The following SEPTIN12 variants were observed in gnomAD, a reference collection of about 807,000 sequenced individuals.
SEPTIN12 encodes septin 12, also known as septin-12.
Under a neutral mutation model 37.7 loss-of-function variants are expected in SEPTIN12, and 42 were observed. The observed-to-expected ratio is 1.11, with a 90% CI of 0.87 to 1.44. SEPTIN12 has a LOEUF of 1.44. SEPTIN12 is among the 40% of genes most tolerant of loss of function. SEPTIN12 has a pLI of 0.00. For synonymous variants in SEPTIN12, 254 were observed against 196.7 expected, an observed-to-expected ratio of 1.29 and a Z score of -2.44; for missense variants, 613 against 479.2, an observed-to-expected ratio of 1.28 and a Z score of -2.61.
rs1249893216 is a variant in SEPTIN12 at position 4,785,799 on chromosome 16, G to A, written c.374+8C>T. 6 of 1,568,574 alleles carry A rather than the reference G, an allele frequency of 3.8e-6. No individual in the cohort carries two copies. Among genetic ancestry groups the A allele is most frequent in the East Asian group, 2.2e-5 (1 of 44,654 alleles). Reference sequence around the variant, plus strand: ...GCCTAAAAAAAAAAAAAAAGAGAGAGAACCTACCAGTTGTCATTGTTGATC... The same window carrying A: ...GCCTAAAAAAAAAAAAAAAGAGAGAAAACCTACCAGTTGTCATTGTTGATC... On this transcript the variant is annotated splice_region_variant and intron_variant, in intron 4 of 9. Coordinates refer to ENST00000268231, the MANE Select transcript of SEPTIN12 (RefSeq NM_144605.5).
intron 2 of SEPTIN12, 149 bp downstream of exon 2, chr16:4,787,331 A>AT (rs2082470905): frequency 3.9e-6 from 3 of 762,714 alleles, no homozygotes; most frequent in South Asian, 1.5e-5. Context: ...CATTTCTCAA[A>AT]TTTTCAATGA....
At chr16:4,786,334 C>G (rs548081327) in intron 2 of SEPTIN12, among the ~76,000 whole-genome samples, 1 of 151,146 alleles carries the variant, frequency 6.6e-6, no homozygotes, top group Non-Finnish European at 1.5e-5. Context: ...GCCACCATAC[C>G]CAGCTGATTT....
rs962969618 is a variant in SEPTIN12 at position 4,779,602 on chromosome 16, G to A, written c.823+88C>T. Reference sequence around the variant, plus strand: ...TGTCTAGTGGGCTTCACCTTTCTGTGCCCTGTGATGGGTGCGAAGGTTGCC... The same window carrying A: ...TGTCTAGTGGGCTTCACCTTTCTGTACCCTGTGATGGGTGCGAAGGTTGCC... On this transcript the variant is annotated intron_variant, in intron 8 of 9. Coordinates refer to ENST00000268231, the MANE Select transcript of SEPTIN12 (RefSeq NM_144605.5). 4 of 814,336 alleles carry A rather than the reference G, an allele frequency of 4.9e-6. No individual in the cohort carries two copies. In the East Asian group the frequency reaches 7.3e-5, roughly 15 times the overall value. The allele number at this position is 814,336 out of a possible 1,614,324, so 50.4% of individuals were successfully genotyped here. A position where few individuals can be genotyped will look rare whatever the true frequency, so the allele number is the denominator to read the frequency against.
chr16:4,791,554 G>A (rs562867370), upstream of SEPTIN12, among the ~76,000 whole-genome samples: 16 of 152,264 alleles, frequency 1.1e-4, no homozygotes, highest in Admixed American at 3.3e-4. Context: ...CGTTACTCAA[G>A]CTCACACATT....
At chr16:4,789,612 C>T (rs575613472), upstream of SEPTIN12, among the ~76,000 whole-genome samples, 14 of 152,182 alleles carry the variant, frequency 9.2e-5, no homozygotes, top group Non-Finnish European at 1.9e-4. Flanking sequence ...AGGCGTTAGC[C>T]CCTGCGCCCA....
chr16:4,779,983 G>A (rs941755805), intron 7 of SEPTIN12, among the ~76,000 whole-genome samples, 197 bp from the exon 8 acceptor site: 7 of 152,024 alleles, frequency 4.6e-5, no homozygotes, highest in African/African-American at 1.7e-4. Context: ...GCTCTTGCCT[G>A]TAATTTCAGC....
chr16:4,778,049 C>A lies in SEPTIN12; in HGVS notation c.875+37G>T, dbSNP rs368419345. 4 of 1,613,142 alleles carry A rather than the reference C, an allele frequency of 2.5e-6. No individual in the cohort carries two copies. The African/African-American group carries it at 5.3e-5, about 22-fold the overall frequency. ...CGATGGTGGTGTCCCCAGGGCCCCTCGCCAGCCCCCTAGCCCCAGGCTCCC... is the reference window on the plus strand; with the variant it reads ...CGATGGTGGTGTCCCCAGGGCCCCTAGCCAGCCCCCTAGCCCCAGGCTCCC... On this transcript the variant is annotated intron_variant, in intron 9 of 9. Transcript: ENST00000268231.
Position 4,787,605 on chromosome 16 carries a change from G to C in SEPTIN12, c.41C>G (p.Ser14Trp). 1 of 1,604,230 alleles carries C rather than the reference G, an allele frequency of 6.2e-7. No homozygotes were observed. The highest frequency in any genetic ancestry group is 2.2e-5 in the East Asian group (1 of 44,868). Residue 14 changes from serine (S) to tryptophan (W), a missense_variant, in exon 2 of 10, where the codon TCG becomes TGG. By Grantham distance (177) the Ser-to-Trp change is radical. Transcript: ENST00000268231. ...TGGGGTGCTGGGGCTGGAGGGCTGC[G>C]AGGACAGGCAGGGAGAGGGGGAGCG... ...LRRSPSPCLS[S>W]QPSSPSTPPC...
At position 4,779,687 on chromosome 16, in the gene SEPTIN12, G is replaced by C; in HGVS notation, c.823+3C>G. ...GCATCCTACCCAGGGGCCCCGCACT[G>C]ACCTTCAATGATGCCCCACTTGGTC... On this transcript the variant is annotated splice_donor_region_variant and intron_variant, in intron 8 of 9. Coordinates refer to ENST00000268231, the MANE Select transcript of SEPTIN12 (RefSeq NM_144605.5). The C allele has an allele frequency of 1.9e-6, 3 of 1,602,672 alleles. No homozygotes were observed. The highest frequency in any genetic ancestry group is 2.6e-6 in the Non-Finnish European group (3 of 1,169,746).
At chr16:4,780,260 A>G (rs1173603204) in intron 7 of SEPTIN12, among the ~76,000 whole-genome samples, 1 of 151,048 alleles carries the variant, frequency 6.6e-6, no homozygotes, top group Non-Finnish European at 1.5e-5. Context: ...GCTACTTTTT[A>G]AACATTTTTA....
chr16:4,778,140 G>A lies in SEPTIN12; in HGVS notation c.824-3C>T. The A allele has an allele frequency of 6.2e-7, 1 of 1,614,176 alleles. No individual in the cohort carries two copies. The highest frequency in any genetic ancestry group is 8.5e-7 in the Non-Finnish European group (1 of 1,180,008). On this transcript the variant is annotated splice_region_variant and splice_polypyrimidine_tract_variant and intron_variant, in intron 8 of 9. Coordinates refer to ENST00000268231, the MANE Select transcript of SEPTIN12 (RefSeq NM_144605.5). ...TTCACAGTGCGCCATGTTCTCCACT[G>A]CAAGACATGGGACTCAGTATGGGCG...
At chr16:4,790,968 C>T (rs538162530), upstream of SEPTIN12, among the ~76,000 whole-genome samples, 138 of 152,306 alleles carry the variant, frequency 9.1e-4, 1 homozygote, top group Admixed American at 1.6e-3. Flanking sequence ...GGATTCAGCA[C>T]GGGGGCCTCT....
chr16:4,783,430 C>G, intron 7 of SEPTIN12, 32 bp downstream of exon 7: 2 of 1,533,812 alleles, frequency 1.3e-6, no homozygotes, highest in South Asian at 1.1e-5. Context: ...AAGGAAATCA[C>G]CTCGCCCGCC....
chr16:4,789,357 GCT>G (rs1447817946), upstream of SEPTIN12, among the ~76,000 whole-genome samples: 1 of 147,198 alleles, frequency 6.8e-6, no homozygotes, highest in African/African-American at 2.5e-5. Context: ...ACGGAGTCTC[GCT>G]CTGTCACCCA....
intron 4 of SEPTIN12, chr16:4,785,593 G>A (rs1459221736): frequency 3.8e-6 from 2 of 527,454 alleles, no homozygotes; most frequent in South Asian, 2.1e-5. Context: ...GGCCAACATG[G>A]TGAAACCCCA....
rs1003907586 is a variant in SEPTIN12, at chr16:4,779,883, C to T, written c.727-97G>A. 3.8e-6 allele frequency: 3 copies of T among 780,286 alleles called. No homozygotes were observed. The African/African-American group carries it at 5.2e-5, about 14-fold the overall frequency. The allele number at this position is 780,286 out of a possible 1,614,324, so 48.3% of individuals were successfully genotyped here. A position where few individuals can be genotyped will look rare whatever the true frequency, so the allele number is the denominator to read the frequency against. ...CCAGGCAGGAGAGGGGAGTCCTATC[C>T]TTTTCGAGGAGGGAACATGGTAGAA... is the stretch of plus-strand genomic sequence containing the variant. On this transcript the variant is annotated intron_variant, in intron 7 of 9. Transcript: ENST00000268231.
At position 4,785,897 on chromosome 16, in the gene SEPTIN12, G is replaced by A. The variant is rs2082435535; in HGVS notation, c.293-9C>T. Reference sequence around the variant, plus strand: ...ACCCTTCTCCTCTATGACTGTGGAGGGAGAGCAGAGTCGGGAGAGACTGGA... The same window carrying A: ...ACCCTTCTCCTCTATGACTGTGGAGAGAGAGCAGAGTCGGGAGAGACTGGA... On this transcript the variant is annotated splice_polypyrimidine_tract_variant and intron_variant, in intron 3 of 9. Coordinates refer to ENST00000268231, the MANE Select transcript of SEPTIN12 (RefSeq NM_144605.5). 5.6e-6 allele frequency: 9 copies of A among 1,613,420 alleles called. No homozygotes were observed. The highest frequency in any genetic ancestry group is 1.6e-4 in the Middle Eastern group (1 of 6,078).
chr16:4,784,189 G>C, intron 4 of SEPTIN12, 121 bp from the exon 5 acceptor site: 1 of 1,136,174 alleles, frequency 8.8e-7, no homozygotes, highest in East Asian at 2.4e-5. Flanking sequence ...GTTGGCCCGG[G>C]ACCTGTGGGT....
At chr16:4,779,017 A>G (rs1377677945) in intron 8 of SEPTIN12, among the ~76,000 whole-genome samples, 1 of 151,928 alleles carries the variant, frequency 6.6e-6, no homozygotes, top group African/African-American at 2.4e-5. Flanking sequence ...AGGTGCCTGT[A>G]ATCCCAGCTC....
Sources: gnomAD v4.1 joint callset for allele counts (sites outside exome capture counted in the v4.1 genomes callset) on GRCh38, gnomAD v4.1.1 for gene constraint, MANE v1.5 for transcripts, NCBI Gene and HGNC (gene_info 2026-07-23, HGNC 2026-07-21) for gene names.